The following LUC7L2 variants were observed in gnomAD, a reference collection of about 807,000 sequenced individuals.
LUC7L2 encodes the protein LUC7 like 2, pre-mRNA splicing factor, also known as putative RNA-binding protein Luc7-like 2.
In LUC7L2, 25 loss-of-function variants were observed where a neutral mutation model predicts 52.8. That is an observed-to-expected ratio of 0.47 (90% CI 0.34 to 0.66). The LOEUF is 0.66. Ranked by LOEUF, LUC7L2 falls within the 30% of genes least tolerant of loss-of-function variation. LUC7L2 has a pLI of 0.01. For missense variants in LUC7L2, 328 were observed against 497.8 expected (o/e 0.66, Z 3.25); for synonymous variants, 144 against 160.9 (o/e 0.89, Z 0.80).
chr7:139,399,572 C>A (rs1247834660), intron 3 of LUC7L2, among the ~76,000 whole-genome samples: 1 of 144,676 alleles, frequency 6.9e-6, no homozygotes, highest in East Asian at 2.2e-4. Context: ...CGGGTTCATG[C>A]TGTTCTGCTG....
chr7:139,415,961 T>C (rs931102126), intron 8 of LUC7L2, among the ~76,000 whole-genome samples: 5 of 150,396 alleles, frequency 3.3e-5, no homozygotes, highest in African/African-American at 1.2e-4. Flanking sequence ...TAATATGATT[T>C]TGAACTTGCT....
chr7:139,418,731 ATAAT>A (rs1433017040), intron 9 of LUC7L2, among the ~76,000 whole-genome samples: 2 of 152,158 alleles, frequency 1.3e-5, no homozygotes, highest in Admixed American at 1.3e-4. Context: ...GATTTTAATA[ATAAT>A]TAATTGTATA....
intron 2 of LUC7L2, among the ~76,000 whole-genome samples, chr7:139,388,782 C>G (rs1433236281): frequency 6.6e-6 from 1 of 151,706 alleles, no homozygotes; most frequent in African/African-American, 2.4e-5. Flanking sequence ...TCATTGTTTT[C>G]TCATGTTTGA....
intron 3 of LUC7L2, among the ~76,000 whole-genome samples, chr7:139,400,846 A>T (rs1263060831): frequency 6.6e-6 from 1 of 152,234 alleles, no homozygotes; most frequent in African/African-American, 2.4e-5. Context: ...AAAGAAATTA[A>T]CTATTTTTAT....
At chr7:139,399,147 G>A (rs936084939) in intron 3 of LUC7L2, among the ~76,000 whole-genome samples, 3 of 152,038 alleles carry the variant, frequency 2.0e-5, no homozygotes, top group African/African-American at 7.2e-5. Flanking sequence ...AACTGGGATT[G>A]TAAATATTTA....
upstream of LUC7L2, among the ~76,000 whole-genome samples, chr7:139,358,606 TTTA>T (rs1799697521): frequency 6.6e-6 from 1 of 152,228 alleles, no homozygotes. Context: ...AACATTTGGT[TTTA>T]TTAACTCATT....
intron 6 of LUC7L2, 113 bp from the exon 7 acceptor site, chr7:139,409,450 C>A: frequency 8.1e-7 from 1 of 1,239,144 alleles, no homozygotes. Flanking sequence ...AATTATTAAA[C>A]AGATTTTGAC....
At position 139,379,549 on chromosome 7, in the gene LUC7L2, C is replaced by CTTT. The variant is rs539771697; in HGVS notation, c.156+3429_156+3431dup. On this transcript the variant is annotated intron_variant, in intron 2 of 9. Coordinates refer to ENST00000354926, the MANE Select transcript of LUC7L2 (RefSeq NM_016019.5). ...TTTCATTATTCTAGTATAACTAATG[C>CTTT]TTTTTTTTTTTTTTTTTTTTTTTTT... Among the ~76,000 whole-genome samples, 5 of 52,722 alleles carry CTTT rather than the reference C, an allele frequency of 9.5e-5. 1 individual carries two copies. Among genetic ancestry groups the CTTT allele is most frequent in the African/African-American group, 3.5e-4 (4 of 11,450 alleles). 34.6% of individuals were successfully genotyped at this position (52,722 alleles called of 152,430 possible). A position where few individuals can be genotyped will look rare whatever the true frequency, so the allele number is the denominator to read the frequency against.
At chr7:139,412,479 A>C in intron 7 of LUC7L2, 72 bp from the exon 8 acceptor site, 1 of 1,498,692 alleles carries the variant, frequency 6.7e-7, no homozygotes, top group Non-Finnish European at 9.1e-7. Context: ...AATCAGGAAG[A>C]ATATAATGTA....
At chr7:139,349,231 T>TA (rs1420913612) in intron 1 of LUC7L2, among the ~76,000 whole-genome samples, 1 of 152,210 alleles carries the variant, frequency 6.6e-6, no homozygotes, top group Non-Finnish European at 1.5e-5. Context: ...GAGAAAATCT[T>TA]ACTGTTTGTT....
chr7:139,359,834 C>T (rs1218689307), upstream of LUC7L2: 7 of 408,808 alleles, frequency 1.7e-5, no homozygotes, highest in African/African-American at 1.2e-4. Context: ...CGGAGTGATA[C>T]AGCTGGACGC....
At chr7:139,368,527 T>G (rs1354503334) in intron 1 of LUC7L2, among the ~76,000 whole-genome samples, 3 of 152,084 alleles carry the variant, frequency 2.0e-5, no homozygotes, top group Non-Finnish European at 2.9e-5. Context: ...TCACCTGAGG[T>G]CAGGAGTTCA....
chr7:139,348,981 T>C (rs1799362034), intron 1 of LUC7L2, among the ~76,000 whole-genome samples: 1 of 151,778 alleles, frequency 6.6e-6, no homozygotes, highest in African/African-American at 2.4e-5. Context: ...GCCAACATAG[T>C]GAAACCCCGT....
At chr7:139,401,678 C>T (rs1258827159) in intron 3 of LUC7L2, among the ~76,000 whole-genome samples, 1 of 151,830 alleles carries the variant, frequency 6.6e-6, no homozygotes, top group African/African-American at 2.4e-5. Flanking sequence ...GTCTCAAACT[C>T]CTAACTTCAG....
At chr7:139,341,602 T>A (rs1183282868) in intron 1 of LUC7L2, 2 of 1,548,288 alleles carry the variant, frequency 1.3e-6, no homozygotes, top group African/African-American at 2.7e-5. Context: ...GGGAGCACGG[T>A]GTTTAATTCC....
intron 2 of LUC7L2, among the ~76,000 whole-genome samples, chr7:139,382,444 G>A (rs1801082079): frequency 6.6e-6 from 1 of 152,042 alleles, no homozygotes; most frequent in African/African-American, 2.4e-5. Flanking sequence ...GTGCAGTGGT[G>A]CTATCTTAGC....
intron 1 of LUC7L2, among the ~76,000 whole-genome samples, chr7:139,365,445 T>C (rs991670504): frequency 2.0e-5 from 3 of 152,182 alleles, no homozygotes; most frequent in African/African-American, 7.2e-5. Context: ...GGATAGATGG[T>C]AGTGTTCAAC....
intron 1 of LUC7L2, chr7:139,374,374 A>G (rs1201317771): frequency 5.9e-6 from 9 of 1,524,974 alleles, no homozygotes; most frequent in Non-Finnish European, 8.0e-6. Context: ...AAAATGAACA[A>G]TCTGGCCCCT....
chr7:139,388,698 A>G (rs1206088067), intron 2 of LUC7L2, among the ~76,000 whole-genome samples: 7 of 150,848 alleles, frequency 4.6e-5, no homozygotes, highest in East Asian at 1.9e-4. Flanking sequence ...CATCAAAATC[A>G]TCTTGTCCAG....
Sources: gnomAD v4.1 joint callset for allele counts (sites outside exome capture counted in the v4.1 genomes callset) on GRCh38, gnomAD v4.1.1 for gene constraint, MANE v1.5 for transcripts, NCBI Gene and HGNC (gene_info 2026-07-23, HGNC 2026-07-21) for gene names.